MCM9: variants seen among roughly 807,000 people sequenced by gnomAD.
MCM9 encodes the protein minichromosome maintenance 9 homologous recombination repair factor, also known as DNA helicase MCM9.
In MCM9, 55 loss-of-function variants were observed where a neutral mutation model predicts 72.8. The ratio of observed to expected loss-of-function variants is 0.76; its 90% CI spans 0.61 to 0.95. The LOEUF (loss-of-function observed/expected upper bound fraction) is 0.95. Among genes scored for constraint, MCM9 ranks in the 40% least tolerant of loss-of-function variants. The pLI, the probability that MCM9 is intolerant of heterozygous loss-of-function variation, is 0.00. For synonymous variants in MCM9, 480 were observed against 503.4 expected (o/e 0.95, Z 0.62); for missense variants, 1,279 against 1,377.0 (o/e 0.93, Z 1.13).
At chr6:118,860,789 T>G (rs1040238301) in intron 8 of MCM9, among the ~76,000 whole-genome samples, 1 of 152,054 alleles carries the variant, frequency 6.6e-6, no homozygotes, top group African/African-American at 2.4e-5. Context: ...GTGGAGAAAA[T>G]TTTTCCACAG....
At chr6:118,840,740 CCCT>C (rs1266801091) in intron 9 of MCM9, among the ~76,000 whole-genome samples, 1,873 of 108,164 alleles carry the variant, frequency 0.017, 38 homozygotes, top group African/African-American at 0.059. Flanking sequence ...CCTCCCCCCC[CCCT>C]TTTTTTTTTT....
chr6:118,846,777 T>TA (rs1467271013), intron 9 of MCM9, among the ~76,000 whole-genome samples: 1 of 151,762 alleles, frequency 6.6e-6, no homozygotes, highest in Admixed American at 6.6e-5. Context: ...TCCTCTGAAC[T>TA]AAAAATTAGT....
intron 9 of MCM9, among the ~76,000 whole-genome samples, chr6:118,851,738 T>C (rs1776238939): frequency 6.7e-6 from 1 of 149,322 alleles, no homozygotes; most frequent in Non-Finnish European, 1.5e-5. Context: ...AAGGAGGTAT[T>C]AAATTCTAGA....
At chr6:118,852,835 A>AT (rs1234661193) in intron 9 of MCM9, among the ~76,000 whole-genome samples, 1 of 152,156 alleles carries the variant, frequency 6.6e-6, no homozygotes, top group Admixed American at 6.5e-5. Flanking sequence ...GAAATTTCTG[A>AT]TTTTTCTCCT....
chr6:118,837,508 T>C (rs1775044873), intron 9 of MCM9, among the ~76,000 whole-genome samples: 1 of 152,180 alleles, frequency 6.6e-6, no homozygotes, highest in South Asian at 2.1e-4. Flanking sequence ...AGTCTAAGTG[T>C]TTCTGTAGGT....
intron 8 of MCM9, among the ~76,000 whole-genome samples, chr6:118,870,014 A>G (rs1194977504): frequency 1.3e-5 from 2 of 152,196 alleles, no homozygotes; most frequent in Admixed American, 1.3e-4. Context: ...CAAACTTTAA[A>G]AAGTCTAAAA....
intron 8 of MCM9, among the ~76,000 whole-genome samples, chr6:118,882,063 G>A (rs879895809): frequency 1.3e-5 from 2 of 152,150 alleles, no homozygotes; most frequent in East Asian, 3.9e-4. Flanking sequence ...AAAAGGTCAC[G>A]ATCTTCCTTC....
Position 118,932,592 on chromosome 6 carries a change from A to T in MCM9, c.-16+15T>A, listed in dbSNP as rs1782534298. The T allele has an allele frequency of 6.1e-6, 6 of 983,678 alleles. No homozygotes were observed. The highest frequency in any genetic ancestry group is 7.2e-6 in the Non-Finnish European group (6 of 828,372). 60.9% of individuals were successfully genotyped at this position (983,678 alleles called of 1,614,324 possible). A position where few individuals can be genotyped will look rare whatever the true frequency, so the allele number is the denominator to read the frequency against. On this transcript the variant is annotated intron_variant, in intron 2 of 13. Coordinates refer to ENST00000619706, the MANE Select transcript of MCM9 (RefSeq NM_017696.3). Reference sequence around the variant, plus strand: ...CACACTCATGTGTATTCTGCTATGTAACTGAAACACATACCATTAATCAGA... The same window carrying T: ...CACACTCATGTGTATTCTGCTATGTTACTGAAACACATACCATTAATCAGA...
At chr6:118,879,285 T>C (rs1778136950) in intron 8 of MCM9, among the ~76,000 whole-genome samples, 1 of 149,658 alleles carries the variant, frequency 6.7e-6, no homozygotes, top group Admixed American at 6.7e-5. Flanking sequence ...CTATGTGCTG[T>C]CTACAAGAGA....
At chr6:118,860,924 T>C (rs544388621) in intron 8 of MCM9, among the ~76,000 whole-genome samples, 1 of 152,294 alleles carries the variant, frequency 6.6e-6, no homozygotes, top group South Asian at 2.1e-4. Flanking sequence ...ACCTCTGTGG[T>C]TGGAGGTGCC....
At chr6:118,839,605 TTA>T (rs1391058331) in intron 9 of MCM9, among the ~76,000 whole-genome samples, 2 of 152,090 alleles carry the variant, frequency 1.3e-5, no homozygotes, top group Non-Finnish European at 2.9e-5. Context: ...CGGATGGGGT[TTA>T]TGTGTGGACG....
intron 8 of MCM9, among the ~76,000 whole-genome samples, chr6:118,856,927 C>T (rs1330170830): frequency 6.6e-6 from 1 of 152,010 alleles, no homozygotes; most frequent in African/African-American, 2.4e-5. Context: ...GAAAGAAATG[C>T]CTACATTTTA....
intron 8 of MCM9, among the ~76,000 whole-genome samples, chr6:118,904,332 G>T (rs55862415): frequency 1.3e-5 from 2 of 152,304 alleles, no homozygotes; most frequent in Non-Finnish European, 2.9e-5. Flanking sequence ...TCATCTACCT[G>T]TGTTAGGCAT....
chr6:118,910,509 A>C, intron 8 of MCM9: 1 of 574,324 alleles, frequency 1.7e-6, no homozygotes, highest in Non-Finnish European at 2.2e-6. Flanking sequence ...AACTGCCCAA[A>C]TACTCTGAAA....
intron 5 of MCM9, 44 bp from the exon 6 acceptor site, chr6:118,917,805 G>A: frequency 6.6e-7 from 1 of 1,523,418 alleles, no homozygotes; most frequent in Non-Finnish European, 9.1e-7. Flanking sequence ...CATCCTGCAT[G>A]CTGAGCACAG....
At chr6:118,843,110 G>C (rs889836394) in intron 9 of MCM9, among the ~76,000 whole-genome samples, 1 of 152,082 alleles carries the variant, frequency 6.6e-6, no homozygotes, top group African/African-American at 2.4e-5. Flanking sequence ...TTGCAGTGCA[G>C]AAATCATATT....
chr6:118,899,805 A>G (rs190225770), intron 8 of MCM9, among the ~76,000 whole-genome samples: 77 of 152,382 alleles, frequency 5.1e-4, no homozygotes, highest in African/African-American at 1.9e-3. Context: ...TGAGTGACCC[A>G]GAAACTCACC....
intron 8 of MCM9, among the ~76,000 whole-genome samples, chr6:118,904,985 C>G (rs9481868): frequency 0.077 from 11,638 of 152,086 alleles, 687 homozygotes; most frequent in East Asian, 0.19. Context: ...CTACAGGCAC[C>G]CGCCACCATG....
At chr6:118,834,274 G>A (rs561039150) in intron 9 of MCM9, among the ~76,000 whole-genome samples, 4 of 152,252 alleles carry the variant, frequency 2.6e-5, no homozygotes, top group East Asian at 3.9e-4. Context: ...TGGGCATTTG[G>A]GTTACTTCCA....
Sources: gnomAD v4.1 joint callset for allele counts (sites outside exome capture counted in the v4.1 genomes callset) on GRCh38, gnomAD v4.1.1 for gene constraint, MANE v1.5 for transcripts, NCBI Gene and HGNC (gene_info 2026-07-23, HGNC 2026-07-21) for gene names.